SERPINI2: variants seen among roughly 807,000 people sequenced by gnomAD.
SERPINI2 encodes the protein serpin family I member 2.
A neutral mutation model predicts 47.3 loss-of-function variants in SERPINI2; 48 were observed. The ratio of observed to expected loss-of-function variants is 1.02; its 90% CI spans 0.81 to 1.29. SERPINI2 has a LOEUF of 1.29. Ranked by LOEUF, SERPINI2 falls within the 50% of genes most tolerant of loss-of-function variation. SERPINI2 has a pLI of 0.00. For synonymous variants in SERPINI2, 135 were observed against 149.3 expected (o/e 0.90, Z 0.70); for missense variants, 448 against 456.9 (o/e 0.98, Z 0.18).
At chr3:167,465,643 T>TCTTCCC in exon 4 of SERPINI2, 2 of 1,611,094 alleles carry the variant, frequency 1.2e-6, no homozygotes, top group Non-Finnish European at 8.5e-7. Context: ...AGGGCCAAAT[T>TCTTCCC]CTTCCCCTGA....
chr3:167,466,960 G>T, intron 3 of SERPINI2, 95 bp downstream of exon 3: 1 of 751,440 alleles, frequency 1.3e-6, no homozygotes, highest in Non-Finnish European at 2.2e-6. Context: ...GATCCATACT[G>T]CAGTAGGAAA....
chr3:167,465,107 C>A, intron 5 of SERPINI2, 99 bp downstream of exon 5: 1 of 1,063,244 alleles, frequency 9.4e-7, no homozygotes, highest in Non-Finnish European at 1.4e-6. Flanking sequence ...TCATTTGTGT[C>A]AATAGACTTT....
At chr3:167,470,294 C>T (rs745729044) in intron 2 of SERPINI2, among the ~76,000 whole-genome samples, 6 of 152,070 alleles carry the variant, frequency 3.9e-5, no homozygotes, top group South Asian at 2.1e-4. Context: ...CTATTACCAA[C>T]GTCTTTTCTG....
intron 5 of SERPINI2, among the ~76,000 whole-genome samples, chr3:167,460,536 T>C (rs1250350336): frequency 6.6e-6 from 1 of 152,210 alleles, no homozygotes; most frequent in Non-Finnish European, 1.5e-5. Context: ...GACATTAATT[T>C]AGTAAAAAAG....
At chr3:167,467,380 G>GT (rs1307108049) in intron 2 of SERPINI2, 95 bp from the exon 3 acceptor site, 2 of 793,362 alleles carry the variant, frequency 2.5e-6, no homozygotes, top group East Asian at 2.6e-5. Flanking sequence ...TCATATCACC[G>GT]TTTTTTGCAC....
chr3:167,446,329 A>G, intron 8 of SERPINI2, 63 bp downstream of exon 8: 1 of 1,096,324 alleles, frequency 9.1e-7, no homozygotes, highest in South Asian at 1.4e-5. Flanking sequence ...CATTGCAATT[A>G]GAAACTGGAA....
rs116588624 is a variant in SERPINI2 at position 167,446,162 on chromosome 3, G to A, written c.1141+230C>T. Among the ~76,000 whole-genome samples, 789 of 152,168 alleles carry A rather than the reference G, an allele frequency of 5.2e-3. 9 individuals carry two copies. Among genetic ancestry groups the A allele is most frequent in the Admixed American group, 0.022 (331 of 15,272 alleles). On this transcript the variant is annotated intron_variant, in intron 8 of 8. Transcript: ENST00000264677. ...TGGAGTGGTTTTAGCTTTACTGATG[G>A]TTATATGAAATGGCTACCGCATATA...
chr3:167,468,274 G>T (rs916603934), intron 2 of SERPINI2, among the ~76,000 whole-genome samples: 1 of 152,030 alleles, frequency 6.6e-6, no homozygotes, highest in Non-Finnish European at 1.5e-5. Flanking sequence ...TACTAAGAGG[G>T]ACTTACTACT....
chr3:167,459,406 G>A (rs1485722526), intron 5 of SERPINI2, among the ~76,000 whole-genome samples: 1 of 152,066 alleles, frequency 6.6e-6, no homozygotes, highest in Non-Finnish European at 1.5e-5. Context: ...AATATTTAAA[G>A]GATCTCATAC....
intron 5 of SERPINI2, 96 bp downstream of exon 5, chr3:167,465,110 T>C (rs1459473919): frequency 4.6e-6 from 5 of 1,095,264 alleles, no homozygotes; most frequent in Middle Eastern, 3.0e-4. Context: ...TTTGTGTCAA[T>C]AGACTTTTCA....
intron 5 of SERPINI2, among the ~76,000 whole-genome samples, chr3:167,454,110 C>A (rs145001314): frequency 5.3e-5 from 8 of 152,200 alleles, no homozygotes; most frequent in African/African-American, 1.9e-4. Context: ...AGAATGCATA[C>A]GCTAGTGCTC....
intron 5 of SERPINI2, among the ~76,000 whole-genome samples, chr3:167,455,711 T>A (rs2108159433): frequency 6.6e-6 from 1 of 152,176 alleles, no homozygotes; most frequent in Non-Finnish European, 1.5e-5. Context: ...ACAGGGAGCA[T>A]GATGCTGGCA....
intron 1 of SERPINI2, among the ~76,000 whole-genome samples, chr3:167,472,668 T>C (rs1042441796): frequency 2.6e-5 from 4 of 151,770 alleles, no homozygotes; most frequent in Non-Finnish European, 5.9e-5. Flanking sequence ...TTGACAGAAA[T>C]ACTAACAAAT....
chr3:167,459,297 A>C (rs1262428864), intron 5 of SERPINI2, among the ~76,000 whole-genome samples: 3 of 151,490 alleles, frequency 2.0e-5, no homozygotes, highest in Non-Finnish European at 4.4e-5. Context: ...GATGGTCTCG[A>C]TCTCCTGACC....
intron 2 of SERPINI2, among the ~76,000 whole-genome samples, chr3:167,470,272 A>C (rs1577179212): frequency 6.6e-6 from 1 of 152,144 alleles, no homozygotes; most frequent in Non-Finnish European, 1.5e-5. Flanking sequence ...TCTTACAATT[A>C]ACTTCACTTC....
chr3:167,475,833 C>T (rs935951097), upstream of SERPINI2, among the ~76,000 whole-genome samples: 5 of 151,482 alleles, frequency 3.3e-5, no homozygotes, highest in African/African-American at 1.2e-4. Context: ...ATATAAAAAC[C>T]ACAGCAAAGG....
intron 5 of SERPINI2, among the ~76,000 whole-genome samples, chr3:167,453,783 A>G (rs1206065486): frequency 6.6e-6 from 1 of 151,816 alleles, no homozygotes; most frequent in Non-Finnish European, 1.5e-5. Context: ...AGGGAACTTA[A>G]CCAGATAATC....
chr3:167,457,731 GA>G (rs1489414558), intron 5 of SERPINI2, among the ~76,000 whole-genome samples: 3 of 152,228 alleles, frequency 2.0e-5, no homozygotes, highest in African/African-American at 7.2e-5. Flanking sequence ...TTATGGGTCA[GA>G]GGGGAAGATA....
At chr3:167,442,168 C>G (rs1293105695) in exon 9 of SERPINI2, 1 of 1,592,452 alleles carries the variant, frequency 6.3e-7, no homozygotes, top group East Asian at 2.3e-5. Flanking sequence ...GTCACTCTTC[C>G]CATAAACAGA....
Sources: allele counts gnomAD v4.1 joint callset (sites outside exome capture counted in the v4.1 genomes callset), GRCh38; gene constraint gnomAD v4.1.1; transcripts MANE v1.5; gene names NCBI Gene and HGNC (gene_info 2026-07-23, HGNC 2026-07-21).